GDA: variants seen among roughly 807,000 people sequenced by gnomAD.
The protein encoded by GDA is cytoplasmic PSD-95 interactor.
In GDA, 18 loss-of-function variants were observed where a neutral mutation model predicts 59.6. The ratio of observed to expected loss-of-function variants is 0.30; its 90% CI spans 0.21 to 0.45. The LOEUF is 0.45. GDA is among the 20% of genes least tolerant of loss of function. The probability of loss-of-function intolerance (pLI) is 1.00; values close to 1 mark genes in which losing one functional copy is unlikely to be tolerated. For synonymous variants in GDA, 201 were observed against 201.1 expected (o/e 1.00, Z 0.00); for missense variants, 427 against 552.3 (o/e 0.77, Z 2.27).
chr9:72,127,252 A>G (rs944397329), intron 1 of GDA, among the ~76,000 whole-genome samples: 4 of 152,122 alleles, frequency 2.6e-5, no homozygotes, highest in Non-Finnish European at 5.9e-5. Flanking sequence ...AACCAGTTTT[A>G]AAAAAATTAA....
At chr9:72,147,413 G>A (rs545282539), upstream of GDA, among the ~76,000 whole-genome samples, 2 of 152,270 alleles carry the variant, frequency 1.3e-5, no homozygotes, top group Non-Finnish European at 2.9e-5. Flanking sequence ...TCACCATGTT[G>A]GCCAGGATAG....
In GDA at chr9:72,199,080, A is replaced by G. The variant is rs148239241; in HGVS notation, c.213-3491A>G. ...TGCAGCTGGGCTTGTAGTAGCTACA[A>G]TTTAGCCATAAGTGATGTTGTGAGT... On this transcript the variant is annotated intron_variant, in intron 2 of 13. Coordinates refer to ENST00000358399, the MANE Select transcript of GDA (RefSeq NM_004293.5). Among the ~76,000 whole-genome samples, 275 of 152,204 alleles carry G rather than the reference A, an allele frequency of 1.8e-3. 1 individual carries two copies. Among genetic ancestry groups the G allele is most frequent in the African/African-American group, 6.5e-3 (269 of 41,506 alleles).
intron 1 of GDA, among the ~76,000 whole-genome samples, chr9:72,175,268 G>T (rs957954646): frequency 6.6e-6 from 1 of 152,158 alleles, no homozygotes; most frequent in African/African-American, 2.4e-5. Context: ...CTGAGCTCAA[G>T]CGATCTTCCT....
chr9:72,167,073 C>G lies in GDA; in HGVS notation c.123+17391C>G, dbSNP rs1370450699. On this transcript the variant is annotated intron_variant, in intron 1 of 13. Transcript: ENST00000358399. ...GTTTGTTTGTTTGTTTTTGGATAAA[C>G]ATAGAAATTGACGCTTTTGGTCTTA... 5.9e-5 allele frequency among the ~76,000 whole-genome samples: 9 copies of G among 152,232 alleles called. No individual in the cohort carries two copies. In the South Asian group the frequency reaches 1.9e-3, roughly 32 times the overall value.
chr9:72,163,449 G>T (rs538896415), intron 1 of GDA, among the ~76,000 whole-genome samples: 6 of 152,094 alleles, frequency 3.9e-5, no homozygotes, highest in South Asian at 2.1e-4. Flanking sequence ...AGGTTTGAGG[G>T]AGCTGGCAAG....
chr9:72,176,792 C>T (rs1246990624), intron 1 of GDA, among the ~76,000 whole-genome samples: 1 of 152,128 alleles, frequency 6.6e-6, no homozygotes, highest in Non-Finnish European at 1.5e-5. Context: ...GTAATCTTAA[C>T]TTTTCTCTTC....
intron 1 of GDA, among the ~76,000 whole-genome samples, chr9:72,185,100 G>T (rs1357382476): frequency 2.0e-5 from 3 of 152,178 alleles, no homozygotes; most frequent in African/African-American, 7.2e-5. Flanking sequence ...ATAGCCATTT[G>T]CTACTATATT....
At chr9:72,229,619 A>G (rs1338280171) in intron 9 of GDA, among the ~76,000 whole-genome samples, 2 of 152,114 alleles carry the variant, frequency 1.3e-5, no homozygotes, top group Admixed American at 1.3e-4. Context: ...CAGAGTGGAG[A>G]AGAGTATTAA....
chr9:72,253,350 G>T (rs900239724), downstream of GDA: 2 of 152,202 alleles, frequency 1.3e-5, no homozygotes, highest in Non-Finnish European at 2.9e-5. Context: ...ATCTTATGGT[G>T]CTTTAGCCCA....
At chr9:72,258,002 G>C (rs1463433429), downstream of GDA, among the ~76,000 whole-genome samples, 2 of 151,702 alleles carry the variant, frequency 1.3e-5, no homozygotes, top group Admixed American at 6.6e-5. Flanking sequence ...CTAAGAGAGG[G>C]AGATGTTGTT....
chr9:72,142,912 G>C (rs989348663), intron 1 of GDA, among the ~76,000 whole-genome samples: 1 of 150,926 alleles, frequency 6.6e-6, no homozygotes, highest in African/African-American at 2.4e-5. Context: ...TGGGATTACA[G>C]GCATGTGCCA....
intron 1 of GDA, among the ~76,000 whole-genome samples, chr9:72,179,185 A>G (rs909487062): frequency 5.3e-5 from 8 of 152,128 alleles, no homozygotes; most frequent in African/African-American, 1.9e-4. Context: ...TTGTCCAACA[A>G]AGTTATCTGT....
Position 72,250,689 on chromosome 9 carries a change from G to A in GDA, c.*2347G>A. On this transcript the variant is annotated 3_prime_UTR_variant, in exon 14 of 14. Transcript: ENST00000358399. The stretch of plus-strand genomic sequence containing the variant: ...AGGTTGACTTTCTGAATTGTGGAGA[G>A]GCACTTTTCCAAGCCAATCTTATTT... 2.5e-6 allele frequency: 4 copies of A among 1,610,644 alleles called. No individual in the cohort carries two copies. The East Asian group carries it at 8.9e-5, about 36-fold the overall frequency.
At position 72,188,769 on chromosome 9, in the gene GDA, C is replaced by T. The variant is rs1027775987; in HGVS notation, c.124-6731C>T. On this transcript the variant is annotated intron_variant, in intron 1 of 13. Transcript: ENST00000358399. ...AGGACTGGCACTGAGACTCCAGGAT[C>T]GTGGAGCTACTAGCATGCAACCTCA... Among the ~76,000 whole-genome samples the T allele has an allele frequency of 3.3e-5, 5 of 152,214 alleles. No individual in the cohort carries two copies. In the East Asian group the frequency reaches 9.6e-4, roughly 29 times the overall value.
chr9:72,151,006 A>T (rs963860746), intron 1 of GDA, among the ~76,000 whole-genome samples: 2 of 152,234 alleles, frequency 1.3e-5, no homozygotes, highest in African/African-American at 2.4e-5. Flanking sequence ...TTTAATCACA[A>T]GAAGCTGTTC....
chr9:72,255,978 T>C (rs542558815), downstream of GDA, among the ~76,000 whole-genome samples: 1 of 59,586 alleles, frequency 1.7e-5, no homozygotes, highest in East Asian at 3.6e-4. Flanking sequence ...TATAAATGCA[T>C]ATAAAAACTC....
intron 1 of GDA, among the ~76,000 whole-genome samples, chr9:72,134,382 C>T (rs1294994275): frequency 1.4e-5 from 2 of 146,056 alleles, no homozygotes; most frequent in Non-Finnish European, 3.0e-5. Context: ...TACTGTGCTC[C>T]AGGAAGGCCT....
intron 1 of GDA, among the ~76,000 whole-genome samples, chr9:72,174,233 A>G (rs1830300491): frequency 6.6e-6 from 1 of 152,202 alleles, no homozygotes; most frequent in Non-Finnish European, 1.5e-5. Context: ...ATAGTGGGTA[A>G]AAGTAGGCAT....
At chr9:72,149,816 C>T in intron 1 of GDA, 134 bp downstream of exon 1, 1 of 917,120 alleles carries the variant, frequency 1.1e-6, no homozygotes, top group Non-Finnish European at 1.5e-6. Flanking sequence ...GAACTTGAGT[C>T]TTTGGCTCTT....
Sources: allele counts gnomAD v4.1 joint callset (sites outside exome capture counted in the v4.1 genomes callset), GRCh38; gene constraint gnomAD v4.1.1; transcripts MANE v1.5; gene names NCBI Gene and HGNC (gene_info 2026-07-23, HGNC 2026-07-21).